NSD2: variants seen among roughly 807,000 people sequenced by gnomAD.
NSD2 encodes the protein nuclear receptor binding SET domain protein 2, also known as histone-lysine N-methyltransferase NSD2.
A neutral mutation model predicts 139.0 loss-of-function variants in NSD2; 12 were observed. That is an observed-to-expected ratio of 0.09 (90% CI 0.06 to 0.14). The LOEUF (loss-of-function observed/expected upper bound fraction) is 0.14, where lower values mean the gene tolerates loss of function less well. NSD2 is among the 10% of genes least tolerant of loss of function. NSD2 has a pLI of 1.00. For synonymous variants in NSD2, 669 were observed against 648.7 expected, an observed-to-expected ratio of 1.03 and a Z score of -0.48; for missense variants, 1,155 against 1,745.0, an observed-to-expected ratio of 0.66 and a Z score of 6.02.
At chr4:1,929,623 T>C (rs1721393556) in intron 5 of NSD2, among the ~76,000 whole-genome samples, 1 of 152,226 alleles carries the variant, frequency 6.6e-6, no homozygotes, top group African/African-American at 2.4e-5. Context: ...GGGGCTGACA[T>C]CCAGTAAAAC....
intron 5 of NSD2, among the ~76,000 whole-genome samples, chr4:1,922,576 A>G (rs935354250): frequency 2.0e-5 from 3 of 152,182 alleles, no homozygotes; most frequent in Non-Finnish European, 2.9e-5. Flanking sequence ...GCCACATTTG[A>G]AGAGAGGCTT....
At chr4:1,959,780 C>A (rs761342473) in intron 17 of NSD2, 40 bp downstream of exon 17, 1 of 1,598,406 alleles carries the variant, frequency 6.3e-7, no homozygotes. Flanking sequence ...TGAGAAATTA[C>A]GGTTCACTGG....
rs774265779 is a variant in NSD2 at position 1,978,833 on chromosome 4, C to G, written c.4022C>G (p.Pro1341Arg). 1.1e-5 allele frequency: 17 copies of G among 1,605,008 alleles called. No individual in the cohort carries two copies. In the East Asian group the frequency reaches 1.8e-4, roughly 17 times the overall value. ...GTCAGAAGCACCAAGACTGAGAAGCCCCCCCCAGAGCCAGGGAAGCCGAAG... is the reference window on the plus strand; with the variant it reads ...GTCAGAAGCACCAAGACTGAGAAGCGCCCCCCAGAGCCAGGGAAGCCGAAG... ...ASVRSTKTEK[P>R]PPEPGKPKGK... Residue 1341 changes from proline to arginine, a missense_variant, in exon 22 of 22, where the codon CCC (proline) becomes CGC (arginine). Transcript: ENST00000508803.
rs911939647 is a variant in NSD2, at chr4:1,948,644, C to T, written c.1882-2428C>T. On this transcript the variant is annotated intron_variant, in intron 9 of 21. Coordinates refer to ENST00000508803, the MANE Select transcript of NSD2 (RefSeq NM_001042424.3). The surrounding 1 kb of genome is among the most constrained non-coding windows in gnomAD (Gnocchi z 4.5). ...ATATTCTGTATGTGGGTCCCAGACC[C>T]TGATCAGGAAATGAGCCTCATGTGT... 2.8e-6 allele frequency: 3 copies of T among 1,061,142 alleles called. No homozygotes were observed. In the African/African-American group the frequency reaches 4.9e-5, roughly 17 times the overall value. The allele number at this position is 1,061,142 out of a possible 1,614,324, so 65.7% of individuals were successfully genotyped here. A position where few individuals can be genotyped will look rare whatever the true frequency, so the allele number is the denominator to read the frequency against.
At chr4:1,886,250 G>C (rs1212329185) in intron 1 of NSD2, among the ~76,000 whole-genome samples, 1 of 152,084 alleles carries the variant, frequency 6.6e-6, no homozygotes, top group Non-Finnish European at 1.5e-5. Flanking sequence ...TGTGTGGCCA[G>C]GGCTGGAGTG....
chr4:1,943,401 G>C, intron 9 of NSD2: 5 of 1,041,466 alleles, frequency 4.8e-6, no homozygotes, highest in Non-Finnish European at 5.8e-6. Flanking sequence ...TGTTGTGACA[G>C]TAATAATGGT....
At chr4:1,929,077 C>T (rs1721310707) in intron 5 of NSD2, among the ~76,000 whole-genome samples, 1 of 151,916 alleles carries the variant, frequency 6.6e-6, no homozygotes. Flanking sequence ...AGGTCCCAGG[C>T]AGTTAGGCTG....
rs754739342 is a variant in NSD2, at chr4:1,953,253, T to C, written c.2138-71T>C. On this transcript the variant is annotated intron_variant, in intron 11 of 21. Coordinates refer to ENST00000508803, the MANE Select transcript of NSD2 (RefSeq NM_001042424.3). ...CTGAAGAGGAGTTGCTTGATTTTAG[T>C]GGCTCAGAACTGCAATTTAATTCTT... The C allele has an allele frequency of 4.3e-6, 7 of 1,612,970 alleles. No individual in the cohort carries two copies. In the South Asian group the frequency reaches 7.7e-5, roughly 18 times the overall value.
At chr4:1,917,466 A>T (rs534485755) in intron 4 of NSD2, among the ~76,000 whole-genome samples, 1 of 152,074 alleles carries the variant, frequency 6.6e-6, no homozygotes, top group South Asian at 2.1e-4. Flanking sequence ...ATGGAGTTTC[A>T]CTCTTGTCGC....
Position 1,952,242 on chromosome 4 carries a change from A to G in NSD2, c.2137+11A>G. On this transcript the variant is annotated intron_variant, in intron 11 of 21. Transcript: ENST00000508803. The stretch of plus-strand genomic sequence containing the variant: ...GCGAGTGTGCCTCAGGCAAGTTCCC[A>G]CGGGCGGGCAGCTCTGCAGCCTGGC... 1 of 1,612,846 alleles carries G rather than the reference A, an allele frequency of 6.2e-7. No homozygotes were observed. The highest frequency in any genetic ancestry group is 8.5e-7 in the Non-Finnish European group (1 of 1,179,774).
intron 3 of NSD2, among the ~76,000 whole-genome samples, chr4:1,911,604 A>G (rs1397252812): frequency 2.7e-5 from 4 of 148,228 alleles, no homozygotes; most frequent in Admixed American, 6.7e-5. Context: ...AAAAAAAAAA[A>G]AAAGAAAAAA....
chr4:1,883,909 A>G (rs1044989352), intron 1 of NSD2, among the ~76,000 whole-genome samples: 1 of 152,202 alleles, frequency 6.6e-6, no homozygotes, highest in African/African-American at 2.4e-5. Flanking sequence ...GGTTTTCTAC[A>G]CAGTAGCCTA....
chr4:1,882,517 A>T (rs983592022), intron 1 of NSD2, among the ~76,000 whole-genome samples: 11 of 152,216 alleles, frequency 7.2e-5, no homozygotes, highest in African/African-American at 2.6e-4. Flanking sequence ...CACAAAAATT[A>T]TCTGGGCGTG....
At chr4:1,952,849 T>G in intron 11 of NSD2, 2 of 1,271,662 alleles carry the variant, frequency 1.6e-6, no homozygotes, top group Non-Finnish European at 2.0e-6. Context: ...AGGAGTCTCC[T>G]ATCTCACGTC....
Position 1,955,035 on chromosome 4 carries a change from A to G in NSD2, c.2339-126A>G, listed in dbSNP as rs994858174. On this transcript the variant is annotated intron_variant, in intron 12 of 21. Transcript: ENST00000508803. The surrounding 1 kb of genome is among the most constrained non-coding windows in gnomAD (Gnocchi z 4.7). ...TGCTCTGAAAGCTTTTTTTAAATCAAATACCTCCATTTCATTTTAGCATTA... is the reference window on the plus strand; with the variant it reads ...TGCTCTGAAAGCTTTTTTTAAATCAGATACCTCCATTTCATTTTAGCATTA... 1 of 1,090,546 alleles carries G rather than the reference A, an allele frequency of 9.2e-7. No individual in the cohort carries two copies. The highest frequency in any genetic ancestry group is 2.6e-5 in the East Asian group (1 of 38,610). The allele number at this position is 1,090,546 out of a possible 1,614,324, so 67.6% of individuals were successfully genotyped here. A position where few individuals can be genotyped will look rare whatever the true frequency, so the allele number is the denominator to read the frequency against.
rs368166556 is a variant in NSD2, at chr4:1,976,432, G to C, written c.3622-43G>C. On this transcript the variant is annotated intron_variant, in intron 20 of 21. Coordinates refer to ENST00000508803, the MANE Select transcript of NSD2 (RefSeq NM_001042424.3). This position sits in a 1 kb window ranked among gnomAD's most constrained non-coding sequence, Gnocchi z 5.3. Reference sequence around the variant, plus strand: ...TCTTCTGCCCTATTTGCTTCAGCCTGTGTAATTCTTTCCGGTGATCTGTGC... The same window carrying C: ...TCTTCTGCCCTATTTGCTTCAGCCTCTGTAATTCTTTCCGGTGATCTGTGC... 2 of 1,593,568 alleles carry C rather than the reference G, an allele frequency of 1.3e-6. No homozygotes were observed. Among genetic ancestry groups the C allele is most frequent in the Non-Finnish European group, 1.7e-6 (2 of 1,169,234 alleles).
intron 2 of NSD2, among the ~76,000 whole-genome samples, chr4:1,902,203 G>A (rs1717279267): frequency 6.6e-6 from 1 of 152,104 alleles, no homozygotes; most frequent in Admixed American, 6.5e-5. Context: ...CTCATGTAAT[G>A]GCAGTGGTGA....
chr4:1,959,438 T>G (rs1725152252), intron 16 of NSD2, 33 bp from the exon 17 acceptor site: 2 of 1,602,168 alleles, frequency 1.2e-6, no homozygotes, highest in Admixed American at 1.7e-5. Context: ...GGCTCTCATG[T>G]GTGGACCAAG....
rs1435725511 is a variant in NSD2 at position 1,948,468 on chromosome 4, C to G, written c.1882-2604C>G. On this transcript the variant is annotated intron_variant, in intron 9 of 21. Coordinates refer to ENST00000508803, the MANE Select transcript of NSD2 (RefSeq NM_001042424.3). The surrounding 1 kb of genome is among the most constrained non-coding windows in gnomAD (Gnocchi z 4.5). ...AGGCTTGCTGTGGGACGCCCTCGTACTTTGCTCTCCTTGCGGGTGGTTGCC... is the reference window on the plus strand; with the variant it reads ...AGGCTTGCTGTGGGACGCCCTCGTAGTTTGCTCTCCTTGCGGGTGGTTGCC... 6.6e-6 allele frequency: 7 copies of G among 1,065,408 alleles called. No homozygotes were observed. Among genetic ancestry groups the G allele is most frequent in the African/African-American group, 1.6e-5 (1 of 60,988 alleles). The allele number at this position is 1,065,408 out of a possible 1,614,324, so 66.0% of individuals were successfully genotyped here.
Sources: allele counts gnomAD v4.1 joint callset (sites outside exome capture counted in the v4.1 genomes callset), GRCh38; gene constraint gnomAD v4.1.1; non-coding constraint Gnocchi (gnomAD v3.1); transcripts MANE v1.5; gene names NCBI Gene and HGNC (gene_info 2026-07-23, HGNC 2026-07-21).